Variants in CROCC observed in about 807,000 individuals in gnomAD.
CROCC encodes the protein rootletin.
In CROCC, 180 loss-of-function variants were observed where a neutral mutation model predicts 245.2. The observed-to-expected ratio is 0.73, with a 90% CI of 0.65 to 0.83. The LOEUF (loss-of-function observed/expected upper bound fraction) is 0.83, where lower values mean the gene tolerates loss of function less well. Ranked by LOEUF, CROCC falls within the 40% of genes least tolerant of loss-of-function variation. CROCC has a pLI of 0.00. For missense variants in CROCC, 2,688 were observed against 2,779.4 expected (o/e 0.97, Z 0.74); for synonymous variants, 1,205 against 1,241.6 (o/e 0.97, Z 0.62).
chr1:16,926,305 A>G (rs1031701147), intron 3 of CROCC, among the ~76,000 whole-genome samples: 7 of 152,264 alleles, frequency 4.6e-5, no homozygotes, highest in African/African-American at 1.7e-4. Flanking sequence ...CTCATCACAG[A>G]TAGGGAAAGT....
intron 3 of CROCC, among the ~76,000 whole-genome samples, chr1:16,929,212 G>T (rs535463058): frequency 6.6e-6 from 1 of 152,264 alleles, no homozygotes; most frequent in African/African-American, 2.4e-5. Flanking sequence ...ATATGAGGGG[G>T]TTCCTTCGTG....
rs528758200 is a variant in CROCC at position 16,950,270 on chromosome 1, G to C, written c.2837-683G>C. On this transcript the variant is annotated intron_variant, in intron 19 of 36. Transcript: ENST00000375541. ...GTATAGACAGGGTTTCGCTGTGTTG[G>C]CCAGGCTGGTCTCAAACTCCTGACC... Among the ~76,000 whole-genome samples the C allele has an allele frequency of 9.9e-5, 15 of 151,658 alleles. No individual in the cohort carries two copies. The East Asian group carries it at 2.7e-3, about 27-fold the overall frequency.
chr1:16,946,749 C>T lies in CROCC; in HGVS notation c.2284-12C>T. On this transcript the variant is annotated splice_polypyrimidine_tract_variant and intron_variant, in intron 16 of 36. Coordinates refer to ENST00000375541, the MANE Select transcript of CROCC (RefSeq NM_014675.5). ...CCCTGCTCACGAGGCCCCACTCCTA[C>T]CTGGCCTCCAGCTGGAGGAAGAAAA... 2 of 1,550,522 alleles carry T rather than the reference C, an allele frequency of 1.3e-6. No individual in the cohort carries two copies. The highest frequency in any genetic ancestry group is 1.4e-5 in the African/African-American group (1 of 73,184).
chr1:16,945,934 C>G (rs2076035123), intron 15 of CROCC, among the ~76,000 whole-genome samples: 1 of 152,286 alleles, frequency 6.6e-6, no homozygotes, highest in Non-Finnish European at 1.5e-5. Flanking sequence ...CGCAGAGGGT[C>G]CTTGGCAGGG....
intron 18 of CROCC, 23 bp downstream of exon 18, chr1:16,948,547 A>T: frequency 1.3e-6 from 2 of 1,509,990 alleles, no homozygotes; most frequent in Non-Finnish European, 8.9e-7. Flanking sequence ...GCTCTGCCCA[A>T]CCCGCCCTGG....
rs376064239 is a variant in CROCC at position 16,939,072 on chromosome 1, C to T, written c.1538C>T (p.Pro513Leu). The T allele has an allele frequency of 1.1e-3, 1,690 of 1,584,958 alleles. No individual in the cohort carries two copies. The African/African-American group carries it at 0.019, about 18-fold the overall frequency. The stretch of plus-strand genomic sequence containing the variant: ...CGTTCACCCCGCCGAGGCCCCTCCC[C>T]GGCCTGCTCAGACTCCTCCACGCTC... ...RGRSPRRGPS[P>L]ACSDSSTLAL... Residue 513 changes from proline to leucine, a missense_variant, in exon 12 of 37, where the codon CCG becomes CTG. Coordinates refer to ENST00000375541, the MANE Select transcript of CROCC (RefSeq NM_014675.5).
At chr1:16,925,350 T>C (rs572371269) in intron 3 of CROCC, among the ~76,000 whole-genome samples, 6 of 152,362 alleles carry the variant, frequency 3.9e-5, no homozygotes, top group African/African-American at 1.2e-4. Flanking sequence ...ATGATGCCCA[T>C]GTAACAGAGG....
rs1251770583 is a variant in CROCC at position 16,968,411 on chromosome 1, A to G, written c.5069A>G (p.Gln1690Arg). Reference protein sequence around the residue: ...QALQDRVDSLQRQVADSEVKA... With the variant: ...QALQDRVDSLRRQVADSEVKA... The stretch of plus-strand genomic sequence containing the variant: ...CTCCAGGATCGGGTGGATTCCCTGC[A>G]GAGACAGGTGGGCCCCTCCCCAAAT... The change falls in exon 31 of 37, where the codon CAG becomes CGG. Residue 1690 changes from glutamine (Q) to arginine (R), a missense_variant. Around this residue, in one of 9 missense-constraint regions of CROCC, gnomAD observed 1,218 missense variants for 1,286.3 expected, o/e 0.95. Transcript: ENST00000375541. 1 of 1,481,958 alleles carries G rather than the reference A, an allele frequency of 6.7e-7. No individual in the cohort carries two copies. Among genetic ancestry groups the G allele is most frequent in the Non-Finnish European group, 9.0e-7 (1 of 1,115,970 alleles). 91.8% of individuals were successfully genotyped at this position (1,481,958 alleles called of 1,614,324 possible). A position where few individuals can be genotyped will look rare whatever the true frequency, so the allele number is the denominator to read the frequency against.
intron 3 of CROCC, among the ~76,000 whole-genome samples, chr1:16,924,842 G>A (rs2075496555): frequency 6.6e-6 from 1 of 152,282 alleles, no homozygotes; most frequent in East Asian, 1.9e-4. Flanking sequence ...ATCTCCCATT[G>A]CCACGGGCCT....
At chr1:16,929,399 C>T (rs2075611615) in intron 3 of CROCC, among the ~76,000 whole-genome samples, 1 of 152,150 alleles carries the variant, frequency 6.6e-6, no homozygotes, top group Non-Finnish European at 1.5e-5. Context: ...CCACAGCCAC[C>T]ATTCTAGTAC....
rs754766483 is a variant in CROCC at position 16,960,773 on chromosome 1, C to T, written c.4048C>T (p.Arg1350Trp). Residue 1350 changes from arginine to tryptophan, a missense_variant, in exon 27 of 37, where the codon CGG becomes TGG. This residue lies in a region of CROCC where 1,218 missense variants were observed against 1,286.3 expected (regional missense o/e 0.95). Transcript: ENST00000375541. ...ATCACTCCAGCTCCAGGTAGCCCAG[C>T]GGAAGCTGCAGGAACAAGAAGGCGA... ...VMRQELQVAQ[R>W]KLQEQEGEFR... 1.2e-5 allele frequency: 19 copies of T among 1,533,848 alleles called. No homozygotes were observed. Among genetic ancestry groups the T allele is most frequent in the Non-Finnish European group, 1.7e-5 (19 of 1,147,486 alleles).
Position 16,930,121 on chromosome 1 carries a change from C to A in CROCC, c.538-3C>A. ...GGGCTCACCATCAGCTCCCCATCCC[C>A]AGATTCTCCAGTACAAGAAGAGGTG... On this transcript the variant is annotated splice_polypyrimidine_tract_variant and splice_region_variant and intron_variant, in intron 4 of 36. Coordinates refer to ENST00000375541, the MANE Select transcript of CROCC (RefSeq NM_014675.5). 1 of 1,589,896 alleles carries A rather than the reference C, an allele frequency of 6.3e-7. No homozygotes were observed.
intron 30 of CROCC, among the ~76,000 whole-genome samples, chr1:16,967,059 GA>G (rs55810091): frequency 0.66 from 98,308 of 150,056 alleles, 33,477 homozygotes; most frequent in East Asian, 0.84. Context: ...AAAAAGAAAA[GA>G]AAAAAAAAAG....
chr1:16,924,274 G>A, intron 2 of CROCC, 51 bp from the exon 3 acceptor site: 1 of 1,591,440 alleles, frequency 6.3e-7, no homozygotes, highest in South Asian at 1.1e-5. Context: ...TTGGGGGGAG[G>A]ATGTCCCACT....
At position 16,936,804 on chromosome 1, in the gene CROCC, T is replaced by A. The variant is rs754807501; in HGVS notation, c.1124T>A (p.Val375Glu). 1.2e-6 allele frequency: 2 copies of A among 1,612,052 alleles called. No homozygotes were observed. Among genetic ancestry groups the A allele is most frequent in the African/African-American group, 1.3e-5 (1 of 75,048 alleles). Residue 375 changes from valine to glutamate, a missense_variant, in exon 9 of 37, where the codon GTG (valine) becomes GAG (glutamate). Physicochemically the swap from Val to Glu is moderately radical, Grantham distance 121. Around this residue, in one of 9 missense-constraint regions of CROCC, gnomAD observed 972 missense variants for 895.3 expected, o/e 1.09. Transcript: ENST00000375541. ...AQLEEQLRDK[V>E]LREKDLAQQQ... Reference sequence around the variant, plus strand: ...CTGGAGGAGCAGCTGCGGGACAAGGTGCTCCGCGAGAAGGACCTGGCGCAG... The same window carrying A: ...CTGGAGGAGCAGCTGCGGGACAAGGAGCTCCGCGAGAAGGACCTGGCGCAG...
intron 1 of CROCC, among the ~76,000 whole-genome samples, chr1:16,914,261 ACTG>A (rs1396534436): frequency 5.9e-4 from 90 of 152,188 alleles, no homozygotes; most frequent in East Asian, 3.7e-3. Context: ...GTGTTCCGCG[ACTG>A]CCGCGGCCCG....
Position 16,944,142 on chromosome 1 carries a change from G to C in CROCC, c.1851G>C (p.Gln617His). ...NLAHSLQVAQ[Q>H]QAEELRQERE... ...CCCACAGCCTGCAGGTGGCCCAGCA[G>C]CAGGCCGAGGAGCTGCGGCAGGAGC... The change falls in exon 14 of 37, where the codon CAG (glutamine) becomes CAC (histidine). Residue 617 changes from glutamine to histidine, a missense_variant. This residue lies in a region of CROCC where 972 missense variants were observed against 895.3 expected (regional missense o/e 1.09). Coordinates refer to ENST00000375541, the MANE Select transcript of CROCC (RefSeq NM_014675.5). The C allele has an allele frequency of 4.5e-6, 7 of 1,560,398 alleles. No individual in the cohort carries two copies. Among genetic ancestry groups the C allele is most frequent in the Non-Finnish European group, 6.1e-6 (7 of 1,151,894 alleles).
upstream of CROCC, among the ~76,000 whole-genome samples, chr1:16,920,905 G>C (rs1284613748): frequency 2.0e-5 from 3 of 152,180 alleles, no homozygotes; most frequent in Non-Finnish European, 4.4e-5. Flanking sequence ...CACCACACCC[G>C]GCTAATTTTT....
chr1:16,955,259 C>G (rs940092435), intron 23 of CROCC, 53 bp from the exon 24 acceptor site: 17 of 1,560,878 alleles, frequency 1.1e-5, no homozygotes, highest in Non-Finnish European at 1.5e-5. Context: ...CAAGACCCAG[C>G]TTGACGGGGG....
Sources: gnomAD v4.1 joint callset for allele counts (sites outside exome capture counted in the v4.1 genomes callset) on GRCh38, gnomAD v4.1.1 for gene constraint, gnomAD v4.1.1 regional missense constraint, MANE v1.5 for transcripts, NCBI Gene and HGNC (gene_info 2026-07-23, HGNC 2026-07-21) for gene names.